Variants in KIF21A observed in about 807,000 individuals in gnomAD.
The protein encoded by KIF21A is kinesin-like protein KIF21A.
A neutral mutation model predicts 202.9 loss-of-function variants in KIF21A; 114 were observed. The ratio of observed to expected loss-of-function variants is 0.56; its 90% confidence interval spans 0.48 to 0.66. KIF21A has a LOEUF of 0.66. Among genes scored for constraint, KIF21A ranks in the 30% least tolerant of loss-of-function variants. The pLI is 0.00. For synonymous variants in KIF21A, 667 were observed against 670.8 expected (o/e 0.99, Z 0.09); for missense variants, 1,677 against 1,994.9 (o/e 0.84, Z 3.04).
At position 39,330,779 on chromosome 12, in the gene KIF21A, C is replaced by T; in HGVS notation, c.3286G>A (p.Glu1096Lys). Residue 1096 changes from glutamate (E) to lysine (K), a missense_variant, in exon 23 of 38, where the codon GAG (glutamate) becomes AAG (lysine). Physicochemically the swap from Glu to Lys is moderately conservative, Grantham distance 56. Coordinates refer to ENST00000361418, the MANE Select transcript of KIF21A (RefSeq NM_001173464.2). Reference sequence around the variant, plus strand: ...GCATGGCCTAGTAAAGCATCTAGCTCAGGATTTAATTCTGCCTTCTCTTTC... The same window carrying T: ...GCATGGCCTAGTAAAGCATCTAGCTTAGGATTTAATTCTGCCTTCTCTTTC... ...MLKEKAELNP[E>K]LDALLGHALQ... The T allele has an allele frequency of 6.2e-7, 1 of 1,613,942 alleles. No homozygotes were observed. The highest frequency in any genetic ancestry group is 1.3e-5 in the African/African-American group (1 of 75,034).
intron 7 of KIF21A, among the ~76,000 whole-genome samples, chr12:39,358,958 ACCG>A (rs1949001514): frequency 6.6e-6 from 1 of 152,234 alleles, no homozygotes; most frequent in Non-Finnish European, 1.5e-5. Flanking sequence ...TGATTTAGCC[ACCG>A]AAGATTAGGA....
At chr12:39,336,737 C>G (rs1361599034) in intron 17 of KIF21A, among the ~76,000 whole-genome samples, 2 of 152,052 alleles carry the variant, frequency 1.3e-5, no homozygotes, top group African/African-American at 2.4e-5. Context: ...TTATAAGTAC[C>G]TCTAGTGATA....
chr12:39,313,232 C>G (rs1474816198), intron 31 of KIF21A, among the ~76,000 whole-genome samples: 1 of 151,798 alleles, frequency 6.6e-6, no homozygotes, highest in Non-Finnish European at 1.5e-5. Context: ...AGGGACAAAA[C>G]ATGTAGACCT....
At position 39,351,742 on chromosome 12, in the gene KIF21A, T is replaced by C. The variant is rs1948397356; in HGVS notation, c.1673+35A>G. The C allele has an allele frequency of 4.0e-6, 5 of 1,258,260 alleles. No individual in the cohort carries two copies. The South Asian group carries it at 4.9e-5, about 12-fold the overall frequency. The allele number at this position is 1,258,260 out of a possible 1,614,324, so 77.9% of individuals were successfully genotyped here. A position where few individuals can be genotyped will look rare whatever the true frequency, so the allele number is the denominator to read the frequency against. The stretch of plus-strand genomic sequence containing the variant: ...AAATTAAAATACCCTGAAAAGGAAA[T>C]AGAGATTCATTTAGTGGTGATTTTA... On this transcript the variant is annotated intron_variant, in intron 11 of 37. Transcript: ENST00000361418.
At chr12:39,334,387 C>T (rs940187184) in intron 17 of KIF21A, among the ~76,000 whole-genome samples, 3 of 152,034 alleles carry the variant, frequency 2.0e-5, no homozygotes, top group South Asian at 2.1e-4. Flanking sequence ...AATAATCACT[C>T]GTGTTTTGCA....
At chr12:39,415,309 G>C (rs957552230) in intron 1 of KIF21A, among the ~76,000 whole-genome samples, 5 of 128,532 alleles carry the variant, frequency 3.9e-5, no homozygotes, top group Admixed American at 9.6e-5. Context: ...GCGCGATCTC[G>C]AATCACGGCA....
intron 1 of KIF21A, among the ~76,000 whole-genome samples, chr12:39,434,025 T>C (rs1311816921): frequency 6.6e-6 from 1 of 152,176 alleles, no homozygotes; most frequent in Non-Finnish European, 1.5e-5. Context: ...ATAATCAACA[T>C]GCCCATCGTT....
intron 1 of KIF21A, among the ~76,000 whole-genome samples, chr12:39,390,409 G>A (rs1396063645): frequency 6.6e-6 from 1 of 151,994 alleles, no homozygotes; most frequent in Non-Finnish European, 1.5e-5. Flanking sequence ...AAGTTTACGA[G>A]GAAAAGTAGA....
intron 37 of KIF21A, among the ~76,000 whole-genome samples, chr12:39,296,174 T>C: frequency 6.6e-6 from 1 of 151,348 alleles, no homozygotes; most frequent in Middle Eastern, 3.2e-3. Flanking sequence ...GTTCAGGGCA[T>C]TCTCCTGCCT....
intron 12 of KIF21A, among the ~76,000 whole-genome samples, chr12:39,343,813 T>C (rs542706970): frequency 6.6e-6 from 1 of 152,330 alleles, no homozygotes; most frequent in African/African-American, 2.4e-5. Context: ...ACATCCCTAG[T>C]ACCCAGGTCC....
At chr12:39,334,494 A>C (rs1434163992) in intron 17 of KIF21A, among the ~76,000 whole-genome samples, 2 of 152,186 alleles carry the variant, frequency 1.3e-5, no homozygotes, top group East Asian at 3.8e-4. Flanking sequence ...TATCACAGCC[A>C]TATCTTAATT....
intron 1 of KIF21A, among the ~76,000 whole-genome samples, chr12:39,411,998 C>T (rs185869440): frequency 7.2e-4 from 110 of 152,098 alleles, no homozygotes; most frequent in Non-Finnish European, 1.3e-3. Context: ...CTGCACCCAG[C>T]TAATTTTTGT....
At chr12:39,297,339 A>C (rs897532418) in intron 37 of KIF21A, among the ~76,000 whole-genome samples, 4 of 152,150 alleles carry the variant, frequency 2.6e-5, no homozygotes, top group Non-Finnish European at 5.9e-5. Flanking sequence ...AACCAACCCA[A>C]ATGTCCAACA....
chr12:39,296,705 A>G (rs2137019070), intron 37 of KIF21A, among the ~76,000 whole-genome samples: 1 of 152,324 alleles, frequency 6.6e-6, no homozygotes. Context: ...CTCAGGCAGG[A>G]GTGGCTTTGG....
Position 39,307,712 on chromosome 12 carries a change from G to A in KIF21A, c.4295C>T (p.Thr1432Ile). 1 of 1,614,012 alleles carries A rather than the reference G, an allele frequency of 6.2e-7. No homozygotes were observed. Among genetic ancestry groups the A allele is most frequent in the Non-Finnish European group, 8.5e-7 (1 of 1,179,936 alleles). The change falls in exon 34 of 38, where the codon ACT (threonine) becomes ATT (isoleucine). Residue 1432 changes from threonine (T) to isoleucine (I), a missense_variant. Around this residue, in one of 3 missense-constraint regions of KIF21A, gnomAD observed 705 missense variants for 791.9 expected, o/e 0.89. Coordinates refer to ENST00000361418, the MANE Select transcript of KIF21A (RefSeq NM_001173464.2). ...IRTLTSSGQV[T>I]LGDACSASTS... ...ACTTGCAGAACAAGCATCTCCAAGA[G>A]TAACTTGACCTGAAGACCTTAAGAG... is the stretch of plus-strand genomic sequence containing the variant.
At chr12:39,394,786 G>A (rs1299904038) in intron 1 of KIF21A, among the ~76,000 whole-genome samples, 1 of 152,144 alleles carries the variant, frequency 6.6e-6, no homozygotes, top group Non-Finnish European at 1.5e-5. Flanking sequence ...TTACAGCTCT[G>A]AAATCTTCAT....
rs778149010 is a variant in KIF21A at position 39,326,314 on chromosome 12, C to T, written c.3351G>A (p.Glu1117=). 13 of 1,611,188 alleles carry T rather than the reference C, an allele frequency of 8.1e-6. No homozygotes were observed. Among genetic ancestry groups the T allele is most frequent in the African/African-American group, 8.0e-5 (6 of 74,848 alleles). The part of the protein sequence containing the change: ...DLDSVPLENV[E]DSTDEDAPLN... ...AAGGAGCATCCTCATCAGTACTATCCTCTACATTTTCTACAAAAAAATGTT... is the reference window on the plus strand; with the variant it reads ...AAGGAGCATCCTCATCAGTACTATCTTCTACATTTTCTACAAAAAAATGTT... Residue 1117 remains glutamate (E), a synonymous_variant, in exon 25 of 38, where the codon GAG becomes GAA. Transcript: ENST00000361418.
At chr12:39,387,061 GAAAAA>G in intron 1 of KIF21A, among the ~76,000 whole-genome samples, 1 of 139,558 alleles carries the variant, frequency 7.2e-6, no homozygotes, top group African/African-American at 2.6e-5. Context: ...TTTAGCTGGG[GAAAAA>G]AAAAAAACTA....
At chr12:39,332,473 A>ACG in intron 20 of KIF21A, 65 bp from the exon 21 acceptor site, 2 of 787,552 alleles carry the variant, frequency 2.5e-6, no homozygotes, top group South Asian at 1.4e-5. Context: ...GTACCATCAA[A>ACG]CCCCCCCACC....
Sources: gnomAD v4.1 joint callset for allele counts (sites outside exome capture counted in the v4.1 genomes callset) on GRCh38, gnomAD v4.1.1 for gene constraint, gnomAD v4.1.1 regional missense constraint, MANE v1.5 for transcripts, NCBI Gene and HGNC (gene_info 2026-07-23, HGNC 2026-07-21) for gene names.